Variants in GABRB3 observed in about 807,000 individuals in gnomAD.
GABRB3 encodes the protein gamma-aminobutyric acid type A receptor subunit beta3.
GABRB3 carries 14 observed loss-of-function variants against 52.1 expected under a neutral mutation model. The observed-to-expected ratio is 0.27, with a 90% CI of 0.18 to 0.42. GABRB3 has a LOEUF of 0.42. Ranked by LOEUF, GABRB3 falls within the 10% of genes least tolerant of loss-of-function variation. GABRB3 has a pLI of 1.00. For missense variants in GABRB3, 307 were observed against 609.1 expected, an observed-to-expected ratio of 0.50 and a Z score of 5.22; for synonymous variants, 260 against 232.3, an observed-to-expected ratio of 1.12 and a Z score of -1.08.
chr15:26,713,691 A>G (rs1170802616), intron 3 of GABRB3, among the ~76,000 whole-genome samples: 1 of 152,238 alleles, frequency 6.6e-6, no homozygotes, highest in East Asian at 1.9e-4. Context: ...CGCTGTTTCC[A>G]TAAGATGTCG....
intron 4 of GABRB3, among the ~76,000 whole-genome samples, chr15:26,600,967 C>T (rs561291626): frequency 2.1e-4 from 32 of 152,108 alleles, no homozygotes; most frequent in African/African-American, 6.7e-4. Flanking sequence ...ATTCTGACAT[C>T]GAAGCATAAA....
chr15:26,626,582 A>G (rs1419082460), intron 3 of GABRB3, among the ~76,000 whole-genome samples: 2 of 152,222 alleles, frequency 1.3e-5, no homozygotes, highest in Non-Finnish European at 2.9e-5. Context: ...CTGGGGAATG[A>G]TAAGAAAGTC....
chr15:26,606,769 T>TACG (rs1555370492), intron 4 of GABRB3, among the ~76,000 whole-genome samples: 1 of 107,184 alleles, frequency 9.3e-6, no homozygotes, highest in Non-Finnish European at 2.0e-5. Context: ...TCTGTCTATC[T>TACG]ATAGATAGAT....
rs554556536 is a variant in GABRB3 at position 26,702,927 on chromosome 15, G to A, written c.240+69475C>T. Among the ~76,000 whole-genome samples, 5 of 152,298 alleles carry A rather than the reference G, an allele frequency of 3.3e-5. No homozygotes were observed. In the South Asian group the frequency reaches 8.3e-4, roughly 25 times the overall value. Reference sequence around the variant, plus strand: ...TTTACAGCCTTTTGGAGGCTGGAAAGTCCAAAATCAAGTCTCCAGCAAATT... The same window carrying A: ...TTTACAGCCTTTTGGAGGCTGGAAAATCCAAAATCAAGTCTCCAGCAAATT... On this transcript the variant is annotated intron_variant, in intron 3 of 8. Coordinates refer to ENST00000311550, the MANE Select transcript of GABRB3 (RefSeq NM_000814.6).
chr15:26,554,190 A>ATAAAGTATATAT (rs1567097853), intron 8 of GABRB3, among the ~76,000 whole-genome samples: 6 of 31,532 alleles, frequency 1.9e-4, no homozygotes, highest in African/African-American at 5.1e-4. Context: ...ATATATATAT[A>ATAAAGTATATAT]CTATATATAT....
At chr15:26,642,040 C>T (rs1337639051) in intron 3 of GABRB3, among the ~76,000 whole-genome samples, 1 of 152,100 alleles carries the variant, frequency 6.6e-6, no homozygotes, top group East Asian at 1.9e-4. Flanking sequence ...CAGGCCCTCA[C>T]CTCTGTGCCC....
Position 26,699,216 on chromosome 15 carries a change from CAGA to C in GABRB3, c.240+73183_240+73185del, listed in dbSNP as rs200596912. ...TTCATAGGGCATGAGATGGAGTACA[CAGA>C]AGGTCTTGCCTCAGTAATAGTAATG... On this transcript the variant is annotated intron_variant, in intron 3 of 8. Coordinates refer to ENST00000311550, the MANE Select transcript of GABRB3 (RefSeq NM_000814.6). 7.4e-3 allele frequency among the ~76,000 whole-genome samples: 1,134 copies of C among 152,266 alleles called. 40 individuals are homozygous for C. Among genetic ancestry groups the C allele is most frequent in the Admixed American group, 0.054 (829 of 15,292 alleles).
intron 3 of GABRB3, among the ~76,000 whole-genome samples, chr15:26,750,581 C>T (rs1361366595): frequency 2.6e-5 from 4 of 152,080 alleles, no homozygotes; most frequent in African/African-American, 9.7e-5. Flanking sequence ...GCAGAATACT[C>T]AGAGACAAGT....
intron 8 of GABRB3, among the ~76,000 whole-genome samples, chr15:26,554,190 A>ATATATATATATATATAT (rs1567097853): frequency 5.1e-4 from 16 of 31,522 alleles, no homozygotes; most frequent in East Asian, 2.4e-3. Flanking sequence ...ATATATATAT[A>ATATATATATATATATAT]CTATATATAT....
intron 3 of GABRB3, among the ~76,000 whole-genome samples, chr15:26,686,605 T>C (rs368083939): frequency 6.6e-6 from 1 of 152,216 alleles, no homozygotes; most frequent in African/African-American, 2.4e-5. Context: ...AACAGTGTCA[T>C]AGCTCATGGA....
chr15:26,717,168 G>C (rs1232547332), intron 3 of GABRB3, among the ~76,000 whole-genome samples: 2 of 148,832 alleles, frequency 1.3e-5, no homozygotes, highest in African/African-American at 5.0e-5. Flanking sequence ...TGACAGCCCA[G>C]CTCTGGGGAC....
At chr15:26,623,681 C>T (rs1892573540) in intron 3 of GABRB3, among the ~76,000 whole-genome samples, 1 of 152,158 alleles carries the variant, frequency 6.6e-6, no homozygotes, top group African/African-American at 2.4e-5. Flanking sequence ...GTCCCTATCA[C>T]CCGCTTAAAC....
At chr15:26,720,290 T>G (rs1889608972) in intron 3 of GABRB3, among the ~76,000 whole-genome samples, 1 of 152,180 alleles carries the variant, frequency 6.6e-6, no homozygotes, top group African/African-American at 2.4e-5. Context: ...AAACCTTTAT[T>G]GCTCACACAA....
At chr15:26,763,147 T>C (rs976684997) in intron 3 of GABRB3, among the ~76,000 whole-genome samples, 1 of 152,130 alleles carries the variant, frequency 6.6e-6, no homozygotes, top group Admixed American at 6.5e-5. Context: ...GGTGAGAAAT[T>C]ATTCTTGGAG....
chr15:26,660,808 A>G (rs1465260578), intron 3 of GABRB3, among the ~76,000 whole-genome samples: 1 of 152,218 alleles, frequency 6.6e-6, no homozygotes, highest in Non-Finnish European at 1.5e-5. Context: ...TCTGGAAATT[A>G]TAATGAATTA....
chr15:26,554,021 T>TATATATATATATATATATA lies in GABRB3; in HGVS notation c.1081-5888_1081-5887insTATATATATATATATATAT, dbSNP rs1555400757. Among the ~76,000 whole-genome samples the TATATATATATATATATATA allele has an allele frequency of 3.7e-3, 88 of 23,678 alleles. 2 individuals are homozygous for TATATATATATATATATATA. Among genetic ancestry groups the TATATATATATATATATATA allele is most frequent in the African/African-American group, 0.015 (84 of 5,492 alleles). 15.5% of individuals were successfully genotyped at this position (23,678 alleles called of 152,430 possible). A position where few individuals can be genotyped will look rare whatever the true frequency, so the allele number is the denominator to read the frequency against. On this transcript the variant is annotated intron_variant, in intron 8 of 8. Transcript: ENST00000311550. Reference sequence around the variant, plus strand: ...TCCCGAGTAGCTGACACCTGACTATTTATATATATATATATTTATTTATTT... The same window carrying TATATATATATATATATATA: ...TCCCGAGTAGCTGACACCTGACTATTATATATATATATATATATATATATATATATATATTTATTTATTT...
intron 8 of GABRB3, among the ~76,000 whole-genome samples, chr15:26,552,688 C>T (rs891597720): frequency 1.3e-5 from 2 of 152,152 alleles, no homozygotes; most frequent in African/African-American, 4.8e-5. Context: ...GCAAGAAGAA[C>T]GATTCACAGC....
chr15:26,730,235 G>A (rs1889871575), intron 3 of GABRB3, among the ~76,000 whole-genome samples: 1 of 152,072 alleles, frequency 6.6e-6, no homozygotes, highest in African/African-American at 2.4e-5. Flanking sequence ...TGGATTAATT[G>A]AATAAGACCA....
intron 3 of GABRB3, among the ~76,000 whole-genome samples, chr15:26,747,862 C>A (rs1890388619): frequency 6.6e-6 from 1 of 151,458 alleles, no homozygotes. Flanking sequence ...AGGAAATTCT[C>A]CCCTATTCTT....
Sources: allele counts gnomAD v4.1 joint callset (sites outside exome capture counted in the v4.1 genomes callset), GRCh38; gene constraint gnomAD v4.1.1; transcripts MANE v1.5; gene names NCBI Gene and HGNC (gene_info 2026-07-23, HGNC 2026-07-21).